The following MBOAT1 variants were observed in gnomAD, a reference collection of about 807,000 sequenced individuals.
MBOAT1 encodes membrane-bound glycerophospholipid O-acyltransferase 1.
A neutral mutation model predicts 64.4 loss-of-function variants in MBOAT1; 67 were observed. The observed-to-expected ratio is 1.04, with a 90% CI of 0.85 to 1.27. The LOEUF is 1.27. Ranked by LOEUF, MBOAT1 falls within the 50% of genes most tolerant of loss-of-function variation. The pLI is 0.00. For missense variants in MBOAT1, 563 were observed against 604.6 expected, an observed-to-expected ratio of 0.93 and a Z score of 0.72; for synonymous variants, 229 against 218.9, an observed-to-expected ratio of 1.05 and a Z score of -0.41.
intron 1 of MBOAT1, among the ~76,000 whole-genome samples, chr6:20,164,480 G>A (rs924816660): frequency 4.6e-5 from 7 of 152,160 alleles, no homozygotes; most frequent in East Asian, 3.8e-4. Context: ...GCTACAAAGT[G>A]TACAGTAGCT....
Position 20,126,625 on chromosome 6 carries a change from A to C in MBOAT1, c.606T>G (p.Asn202Lys), listed in dbSNP as rs1760660590. The part of the protein sequence containing the change: ...FMSVIAGPCN[N>K]FKDYIAFIEG... ...CAATGAAGGCTATGTAGTCCTTGAA[A>C]TTGTTACAAGGACCAGCTATGACAC... Residue 202 changes from asparagine to lysine, a missense_variant, in exon 7 of 13, where the codon AAT becomes AAG. Asn to Lys is a moderately conservative substitution (Grantham distance 94). Coordinates refer to ENST00000324607, the MANE Select transcript of MBOAT1 (RefSeq NM_001080480.3). 1.2e-6 allele frequency: 2 copies of C among 1,613,882 alleles called. No homozygotes were observed. The highest frequency in any genetic ancestry group is 2.2e-5 in the East Asian group (1 of 44,874).
At chr6:20,170,926 G>A (rs1228855491) in intron 1 of MBOAT1, among the ~76,000 whole-genome samples, 1 of 151,118 alleles carries the variant, frequency 6.6e-6, no homozygotes, top group African/African-American at 2.4e-5. Context: ...ATGAATGAAT[G>A]AATGATATGC....
chr6:20,208,445 C>CA (rs10527757), intron 1 of MBOAT1, among the ~76,000 whole-genome samples: 20 of 74,850 alleles, frequency 2.7e-4, no homozygotes, highest in African/African-American at 3.3e-4. Flanking sequence ...GACTCTGTCT[C>CA]AAAAAAAAAA....
chr6:20,195,562 G>A (rs937988849), intron 1 of MBOAT1, among the ~76,000 whole-genome samples: 10 of 152,098 alleles, frequency 6.6e-5, no homozygotes, highest in African/African-American at 2.4e-4. Flanking sequence ...CTAATGGAGT[G>A]TCACTTCTTG....
At chr6:20,192,659 C>T (rs907478032) in intron 1 of MBOAT1, among the ~76,000 whole-genome samples, 1 of 152,186 alleles carries the variant, frequency 6.6e-6, no homozygotes, top group African/African-American at 2.4e-5. Flanking sequence ...GGAAACAACG[C>T]CTATCTGTTG....
At position 20,104,485 on chromosome 6, in the gene MBOAT1, T is replaced by A. The variant is rs1759893504; in HGVS notation, c.1362-2073A>T. Among the ~76,000 whole-genome samples, 3 of 152,294 alleles carry A rather than the reference T, an allele frequency of 2.0e-5. No individual in the cohort carries two copies. The South Asian group carries it at 6.2e-4, about 32-fold the overall frequency. ...ATGTTTGTGGACTTCTATTGCAAAG[T>A]GTAGTATTCAGCAGTATGCACAATG... On this transcript the variant is annotated intron_variant, in intron 12 of 12. Transcript: ENST00000324607.
intron 1 of MBOAT1, among the ~76,000 whole-genome samples, chr6:20,153,766 TG>T (rs1376561433): frequency 1.3e-5 from 2 of 152,202 alleles, no homozygotes; most frequent in African/African-American, 4.8e-5. Flanking sequence ...AAAATCTCAG[TG>T]GTCTACCTCT....
chr6:20,118,372 C>A, intron 9 of MBOAT1, 65 bp downstream of exon 9: 1 of 1,318,066 alleles, frequency 7.6e-7, no homozygotes. Flanking sequence ...TCTGGGGATA[C>A]AACACTCAAA....
In MBOAT1 at chr6:20,182,929, A is replaced by G. The variant is rs79694374; in HGVS notation, c.99+29207T>C. Among the ~76,000 whole-genome samples the G allele has an allele frequency of 1.1e-3, 165 of 152,356 alleles. 2 individuals are homozygous for G. The highest frequency in any genetic ancestry group is 2.6e-3 in the Admixed American group (40 of 15,306). Reference sequence around the variant, plus strand: ...CCCCAACCATTATTATAACTATGGGAGATGACAGGGAATTTTTCACAGATA... The same window carrying G: ...CCCCAACCATTATTATAACTATGGGGGATGACAGGGAATTTTTCACAGATA... On this transcript the variant is annotated intron_variant, in intron 1 of 12. Coordinates refer to ENST00000324607, the MANE Select transcript of MBOAT1 (RefSeq NM_001080480.3).
At chr6:20,136,455 T>C (rs1002410566) in intron 4 of MBOAT1, among the ~76,000 whole-genome samples, 4 of 152,208 alleles carry the variant, frequency 2.6e-5, no homozygotes, top group African/African-American at 7.2e-5. Flanking sequence ...GGCAGCAGCA[T>C]GAAAAAGAAA....
chr6:20,135,339 T>C (rs1290561505), intron 4 of MBOAT1, among the ~76,000 whole-genome samples: 1 of 152,088 alleles, frequency 6.6e-6, no homozygotes, highest in Admixed American at 6.6e-5. Context: ...GCTGAAGATA[T>C]GTTTGAAGTA....
intron 11 of MBOAT1, among the ~76,000 whole-genome samples, chr6:20,111,496 T>C (rs896678736): frequency 3.3e-5 from 5 of 152,098 alleles, no homozygotes; most frequent in Non-Finnish European, 7.4e-5. Flanking sequence ...ACCTAATTCG[T>C]TTGCGAATAG....
chr6:20,107,196 C>T (rs2457336), intron 12 of MBOAT1, among the ~76,000 whole-genome samples: 99,778 of 151,988 alleles, frequency 0.66, 32,873 homozygotes, highest in African/African-American at 0.69. Flanking sequence ...CCTCATGCGA[C>T]AAACAGGGAC....
intron 1 of MBOAT1, among the ~76,000 whole-genome samples, chr6:20,180,706 C>G (rs545717689): frequency 1.3e-5 from 2 of 152,294 alleles, no homozygotes; most frequent in South Asian, 4.1e-4. Context: ...GAATTTCTGG[C>G]TTTTAAATTT....
intron 8 of MBOAT1, among the ~76,000 whole-genome samples, chr6:20,120,744 A>G (rs1760472225): frequency 6.6e-6 from 1 of 152,170 alleles, no homozygotes; most frequent in African/African-American, 2.4e-5. Flanking sequence ...CCACAACCTG[A>G]GCAGGTAAGA....
intron 11 of MBOAT1, among the ~76,000 whole-genome samples, chr6:20,110,316 G>A (rs1037792399): frequency 4.6e-5 from 7 of 151,162 alleles, no homozygotes; most frequent in Admixed American, 3.3e-4. Context: ...GGGCTCAAGT[G>A]ATCTTCCCAC....
intron 2 of MBOAT1, among the ~76,000 whole-genome samples, chr6:20,152,397 A>AAAG (rs767887636): frequency 7.3e-5 from 11 of 151,008 alleles, no homozygotes; most frequent in Non-Finnish European, 1.5e-4. Context: ...TAAAAAAAAG[A>AAAG]AAAAGTGAAC....
At chr6:20,152,890 T>A (rs909326649) in intron 1 of MBOAT1, 121 bp from the exon 2 acceptor site, 1 of 1,079,894 alleles carries the variant, frequency 9.3e-7, no homozygotes, top group Non-Finnish European at 1.3e-6. Context: ...TGGAGTGCAG[T>A]GGCGCAAACT....
At chr6:20,119,703 C>T (rs918635154) in intron 8 of MBOAT1, among the ~76,000 whole-genome samples, 2 of 152,098 alleles carry the variant, frequency 1.3e-5, no homozygotes, top group Non-Finnish European at 2.9e-5. Flanking sequence ...GTCATTCTCC[C>T]GTCGCCAACT....
Sources: allele counts gnomAD v4.1 joint callset (sites outside exome capture counted in the v4.1 genomes callset), GRCh38; gene constraint gnomAD v4.1.1; transcripts MANE v1.5; gene names NCBI Gene and HGNC (gene_info 2026-07-23, HGNC 2026-07-21).